Variants in SLC25A26 observed in about 807,000 individuals in gnomAD.
SLC25A26 encodes mitochondrial S-adenosylmethionine carrier protein.
SLC25A26 carries 36 observed loss-of-function variants against 37.8 expected under a neutral mutation model. The observed-to-expected ratio is 0.95, with a 90% CI of 0.73 to 1.26. SLC25A26 has a LOEUF of 1.26. SLC25A26 is among the 50% of genes most tolerant of loss of function. SLC25A26 has a pLI of 0.00. For synonymous variants in SLC25A26, 129 were observed against 122.5 expected, an observed-to-expected ratio of 1.05 and a Z score of -0.35; for missense variants, 390 against 331.1, an observed-to-expected ratio of 1.18 and a Z score of -1.38.
At chr3:66,172,430 A>G (rs1028322311) in intron 1 of SLC25A26, among the ~76,000 whole-genome samples, 3 of 146,730 alleles carry the variant, frequency 2.0e-5, no homozygotes, top group African/African-American at 7.6e-5. Flanking sequence ...AAAAAAAAAA[A>G]GGAAAAGAAA....
chr3:66,249,734 G>A (rs962798748), intron 3 of SLC25A26, among the ~76,000 whole-genome samples: 30 of 152,226 alleles, frequency 2.0e-4, no homozygotes, highest in Admixed American at 1.3e-3. Flanking sequence ...GTATAAGTGA[G>A]TCGTGGGGGA....
At chr3:66,144,980 C>T (rs1294976418) in intron 1 of SLC25A26, among the ~76,000 whole-genome samples, 1 of 152,112 alleles carries the variant, frequency 6.6e-6, no homozygotes, top group Admixed American at 6.5e-5. Context: ...GGTTTACATC[C>T]AGGCTGAGAC....
chr3:66,342,595 A>G (rs1381423190), intron 5 of SLC25A26, among the ~76,000 whole-genome samples: 4 of 152,200 alleles, frequency 2.6e-5, no homozygotes. Context: ...TTGGCTTCAA[A>G]GATAATTCTA....
intron 5 of SLC25A26, among the ~76,000 whole-genome samples, chr3:66,296,555 T>C (rs1335494480): frequency 1.3e-5 from 2 of 152,314 alleles, no homozygotes; most frequent in South Asian, 4.1e-4. Context: ...TATGAAAGCA[T>C]AGGGAGTATG....
intron 3 of SLC25A26, among the ~76,000 whole-genome samples, chr3:66,254,691 GCTTCC>G (rs2073232379): frequency 6.6e-6 from 1 of 152,256 alleles, no homozygotes; most frequent in Admixed American, 6.5e-5. Flanking sequence ...TTTCACCCAT[GCTTCC>G]TGAGCTAAGT....
intron 9 of SLC25A26, among the ~76,000 whole-genome samples, chr3:66,374,443 G>A (rs975096197): frequency 4.6e-5 from 7 of 152,080 alleles, no homozygotes; most frequent in Non-Finnish European, 7.4e-5. Context: ...GTGTGGGTTC[G>A]GGCTGTGTCT....
intron 2 of SLC25A26, among the ~76,000 whole-genome samples, chr3:66,239,816 C>CTTTTTTTTT (rs536690709): frequency 8.8e-4 from 97 of 109,854 alleles, no homozygotes; most frequent in Non-Finnish European, 1.2e-3. Context: ...TCCTTTCTTT[C>CTTTTTTTTT]TTTTTTTTTT....
chr3:66,251,857 T>C (rs1212891345), intron 3 of SLC25A26, among the ~76,000 whole-genome samples: 2 of 152,218 alleles, frequency 1.3e-5, no homozygotes, highest in Non-Finnish European at 2.9e-5. Context: ...TCAGATGGTA[T>C]TGATTCATGA....
At chr3:66,338,256 C>T (rs1298432175) in intron 5 of SLC25A26, among the ~76,000 whole-genome samples, 34 of 152,048 alleles carry the variant, frequency 2.2e-4, no homozygotes, top group Admixed American at 2.0e-3. Flanking sequence ...TATTGATGGA[C>T]GTTAGCTGTT....
At chr3:66,322,823 T>G (rs1311741477) in intron 5 of SLC25A26, among the ~76,000 whole-genome samples, 2 of 152,224 alleles carry the variant, frequency 1.3e-5, no homozygotes, top group East Asian at 3.8e-4. Flanking sequence ...TGCCTGATAT[T>G]GAAGACCACA....
chr3:66,213,330 G>A (rs1206482794), intron 1 of SLC25A26, among the ~76,000 whole-genome samples: 6 of 145,898 alleles, frequency 4.1e-5, no homozygotes, highest in Non-Finnish European at 8.9e-5. Flanking sequence ...CACCCAGAAG[G>A]TGGAGGTGGC....
chr3:66,233,113 C>T (rs1438180163), intron 1 of SLC25A26, among the ~76,000 whole-genome samples: 1 of 152,210 alleles, frequency 6.6e-6, no homozygotes, highest in South Asian at 2.1e-4. Context: ...TTACATTACA[C>T]AGATGGTTTG....
At chr3:66,214,043 G>A (rs895421804) in intron 1 of SLC25A26, among the ~76,000 whole-genome samples, 39 of 152,284 alleles carry the variant, frequency 2.6e-4, no homozygotes, top group African/African-American at 9.1e-4. Flanking sequence ...TTTACGGTTT[G>A]ATATGGTCTG....
intron 6 of SLC25A26, among the ~76,000 whole-genome samples, chr3:66,350,238 G>T (rs1403606918): frequency 2.0e-5 from 3 of 152,172 alleles, no homozygotes; most frequent in Non-Finnish European, 4.4e-5. Context: ...GGAGTAAGGG[G>T]CTGGAGGTGG....
intron 3 of SLC25A26, among the ~76,000 whole-genome samples, chr3:66,246,309 C>G (rs1455228895): frequency 2.0e-5 from 3 of 152,136 alleles, no homozygotes; most frequent in Admixed American, 6.5e-5. Context: ...GCCATCTTGC[C>G]TGAAAGTTAT....
Position 66,369,247 on chromosome 3 carries a change from C to T in SLC25A26, c.569-231C>T, listed in dbSNP as rs888572213. ...TGAAAGAGCAAGATAAATTGTGGAG[C>T]CTTGTATTTTTCACCTGAGTGGGTA... On this transcript the variant is annotated intron_variant, in intron 7 of 9. Coordinates refer to ENST00000354883, the MANE Select transcript of SLC25A26 (RefSeq NM_001379210.1). 5.3e-5 allele frequency among the ~76,000 whole-genome samples: 8 copies of T among 152,078 alleles called. No individual in the cohort carries two copies. In the East Asian group the frequency reaches 1.3e-3, roughly 26 times the overall value.
intron 1 of SLC25A26, among the ~76,000 whole-genome samples, chr3:66,136,776 T>C (rs2069952574): frequency 6.6e-6 from 1 of 152,196 alleles, no homozygotes; most frequent in Non-Finnish European, 1.5e-5. Context: ...ATGCATTAAA[T>C]TGTATACAAA....
chr3:66,294,404 A>G (rs540922714), intron 5 of SLC25A26, among the ~76,000 whole-genome samples: 2 of 152,284 alleles, frequency 1.3e-5, no homozygotes, highest in East Asian at 3.9e-4. Context: ...TTATCAGCAT[A>G]AGGAGCTTTT....
chr3:66,359,593 TCTA>T (rs2076651845), intron 6 of SLC25A26, among the ~76,000 whole-genome samples: 1 of 152,236 alleles, frequency 6.6e-6, no homozygotes, highest in South Asian at 2.1e-4. Flanking sequence ...GCATTGCTTT[TCTA>T]CTAAGTTGGT....
Sources: gnomAD v4.1 joint callset for allele counts (sites outside exome capture counted in the v4.1 genomes callset) on GRCh38, gnomAD v4.1.1 for gene constraint, MANE v1.5 for transcripts, NCBI Gene and HGNC (gene_info 2026-07-23, HGNC 2026-07-21) for gene names.